Variants in ADGRV1 observed in about 807,000 individuals in gnomAD.
The protein encoded by ADGRV1 is adhesion G protein-coupled receptor V1, also known as G-protein coupled receptor 98.
A neutral mutation model predicts 596.2 loss-of-function variants in ADGRV1; 359 were observed. The observed-to-expected ratio is 0.60, with a 90% CI of 0.55 to 0.66. ADGRV1 has a LOEUF of 0.66. Among genes scored for constraint, ADGRV1 ranks in the 30% least tolerant of loss-of-function variants. ADGRV1 has a pLI of 0.00. For missense variants in ADGRV1, 7,274 were observed against 7,575.6 expected (o/e 0.96, Z 1.48); for synonymous variants, 2,681 against 2,679.2 (o/e 1.00, Z -0.02).
intron 85 of ADGRV1, among the ~76,000 whole-genome samples, chr5:91,065,624 T>A (rs1427416300): frequency 6.6e-6 from 1 of 152,170 alleles, no homozygotes; most frequent in African/African-American, 2.4e-5. Flanking sequence ...TACGAATATT[T>A]CAGACAGGAA....
intron 87 of ADGRV1, among the ~76,000 whole-genome samples, chr5:91,141,961 C>T (rs760772611): frequency 8.5e-5 from 13 of 152,204 alleles, no homozygotes; most frequent in Non-Finnish European, 1.5e-4. Flanking sequence ...AGTGACCATA[C>T]CGCCAGGAAG....
intron 85 of ADGRV1, among the ~76,000 whole-genome samples, chr5:91,058,902 C>T (rs1787147154): frequency 6.6e-6 from 1 of 152,172 alleles, no homozygotes; most frequent in African/African-American, 2.4e-5. Context: ...GCTGATTTCA[C>T]CTGCCTCTTC....
intron 67 of ADGRV1, among the ~76,000 whole-genome samples, chr5:90,785,326 A>G (rs1759313505): frequency 1.3e-5 from 2 of 152,222 alleles, no homozygotes; most frequent in Admixed American, 1.3e-4. Flanking sequence ...AGGCAATACC[A>G]TTCAGGACAT....
intron 83 of ADGRV1, among the ~76,000 whole-genome samples, chr5:90,867,853 T>G (rs1351621498): frequency 6.6e-6 from 1 of 152,220 alleles, no homozygotes; most frequent in Admixed American, 6.5e-5. Flanking sequence ...TGTTAATCAC[T>G]TATTAACCAG....
chr5:90,859,265 C>T (rs193192089), intron 82 of ADGRV1, among the ~76,000 whole-genome samples: 12 of 152,208 alleles, frequency 7.9e-5, no homozygotes, highest in Admixed American at 6.5e-4. Flanking sequence ...CTGTGAGTCA[C>T]CACACCAGCC....
intron 82 of ADGRV1, among the ~76,000 whole-genome samples, chr5:90,858,584 G>A (rs768909142): frequency 5.9e-5 from 9 of 152,030 alleles, no homozygotes; most frequent in Admixed American, 2.6e-4. Flanking sequence ...CTGGACTCAA[G>A]CGATCTTTCC....
chr5:90,597,866 AG>A (rs1371031792), intron 1 of ADGRV1, among the ~76,000 whole-genome samples: 3 of 152,196 alleles, frequency 2.0e-5, no homozygotes, highest in African/African-American at 7.2e-5. Context: ...CCATTTTTGG[AG>A]ACAGTCTATG....
chr5:90,719,667 T>C (rs1421989201), intron 43 of ADGRV1, among the ~76,000 whole-genome samples: 2 of 152,220 alleles, frequency 1.3e-5, no homozygotes, highest in African/African-American at 4.8e-5. Context: ...ATGTTTCTAA[T>C]TTGTGCCTGC....
chr5:90,671,471 A>G (rs935169392), intron 21 of ADGRV1, among the ~76,000 whole-genome samples: 1 of 152,192 alleles, frequency 6.6e-6, no homozygotes. Flanking sequence ...GATCCTCTTT[A>G]CCATGAGAAC....
rs553391207 is a variant in ADGRV1, at chr5:90,627,511, C to G, written c.973C>G (p.Leu325Val). The G allele has an allele frequency of 6.2e-7, 1 of 1,613,936 alleles. No homozygotes were observed. The highest frequency in any genetic ancestry group is 1.3e-5 in the African/African-American group (1 of 75,038). Residue 325 changes from leucine (L) to valine (V), a missense_variant, in exon 7 of 90, where the codon CTT becomes GTT. Leu to Val is a conservative substitution (Grantham distance 32). Transcript: ENST00000405460. Reference protein sequence around the residue: ...HAQQNLDFIDLQPNTTVVFPP... With the variant: ...HAQQNLDFIDVQPNTTVVFPP... ...CCAGCAAAATCTGGACTTCATTGAT[C>G]TTCAGCCAAACACAACTGTTGTTTT...
intron 87 of ADGRV1, among the ~76,000 whole-genome samples, chr5:91,112,870 AAT>A (rs1291938640): frequency 6.6e-6 from 1 of 152,150 alleles, no homozygotes; most frequent in African/African-American, 2.4e-5. Flanking sequence ...ATTGTGTAAA[AAT>A]ATATGTGTAT....
intron 83 of ADGRV1, among the ~76,000 whole-genome samples, chr5:90,957,718 C>T (rs374042286): frequency 1.3e-5 from 2 of 149,850 alleles, no homozygotes; most frequent in East Asian, 3.9e-4. Context: ...AGATAATTAA[C>T]TATTGAAGAA....
chr5:90,874,319 C>G (rs1219648319), intron 83 of ADGRV1, among the ~76,000 whole-genome samples: 1 of 152,192 alleles, frequency 6.6e-6, no homozygotes, highest in African/African-American at 2.4e-5. Flanking sequence ...TTGACTCACT[C>G]AACTCTTACG....
chr5:91,053,075 C>G (rs1035986843), intron 85 of ADGRV1, among the ~76,000 whole-genome samples: 3 of 152,134 alleles, frequency 2.0e-5, no homozygotes, highest in Non-Finnish European at 4.4e-5. Context: ...ATGGTTCATT[C>G]CTTGTCATTT....
intron 57 of ADGRV1, 117 bp downstream of exon 57, chr5:90,757,278 A>G (rs890008863): frequency 8.4e-6 from 6 of 713,782 alleles, no homozygotes; most frequent in Admixed American, 2.8e-5. Context: ...AAATGTTTCT[A>G]TGTTAAGTCA....
intron 89 of ADGRV1, among the ~76,000 whole-genome samples, chr5:91,155,537 A>G (rs1796409397): frequency 6.6e-6 from 1 of 152,184 alleles, no homozygotes; most frequent in South Asian, 2.1e-4. Flanking sequence ...TCCCTGACCC[A>G]GTATATTTGG....
intron 83 of ADGRV1, among the ~76,000 whole-genome samples, chr5:90,933,908 C>A (rs942298810): frequency 4.6e-5 from 7 of 152,318 alleles, no homozygotes; most frequent in African/African-American, 1.7e-4. Context: ...TGGCCTTATT[C>A]TGTGGCTGCA....
intron 79 of ADGRV1, among the ~76,000 whole-genome samples, chr5:90,852,192 G>A (rs577180677): frequency 6.6e-6 from 1 of 152,270 alleles, no homozygotes; most frequent in Non-Finnish European, 1.5e-5. Flanking sequence ...AATTCAAATA[G>A]GGTAGCTGAG....
intron 2 of ADGRV1, among the ~76,000 whole-genome samples, chr5:90,615,341 G>A (rs892012214): frequency 1.3e-5 from 2 of 151,854 alleles, no homozygotes; most frequent in African/African-American, 4.8e-5. Context: ...ACTATCTATT[G>A]TAAGGTGGTG....
Sources: gnomAD v4.1 joint callset for allele counts (sites outside exome capture counted in the v4.1 genomes callset) on GRCh38, gnomAD v4.1.1 for gene constraint, MANE v1.5 for transcripts, NCBI Gene and HGNC (gene_info 2026-07-23, HGNC 2026-07-21) for gene names.